The following PTPRM variants were observed in gnomAD, a reference collection of about 807,000 sequenced individuals.
PTPRM encodes protein tyrosine phosphatase receptor type M.
PTPRM carries 47 observed loss-of-function variants against 186.7 expected under a neutral mutation model. That is an observed-to-expected ratio of 0.25 (90% CI 0.20 to 0.32). The LOEUF (loss-of-function observed/expected upper bound fraction) is 0.32, where lower values mean the gene tolerates loss of function less well. Ranked by LOEUF, PTPRM falls within the 10% of genes least tolerant of loss-of-function variation. The pLI, the probability that PTPRM is intolerant of heterozygous loss-of-function variation, is 1.00. For synonymous variants in PTPRM, 668 were observed against 674.9 expected (o/e 0.99, Z 0.16); for missense variants, 1,494 against 1,865.0 (o/e 0.80, Z 3.66).
In PTPRM at chr18:7,988,368, T is replaced by C. The variant is rs185990485; in HGVS notation, c.1132+32954T>C. On this transcript the variant is annotated intron_variant, in intron 7 of 32. Coordinates refer to ENST00000580170, the MANE Select transcript of PTPRM (RefSeq NM_001105244.2). ...CCTTTCTAATTTTGATTAAAATAAATGAAAAGGGCTTTAAAATTTTTTATT... is the reference window on the plus strand; with the variant it reads ...CCTTTCTAATTTTGATTAAAATAAACGAAAAGGGCTTTAAAATTTTTTATT... Among the ~76,000 whole-genome samples the C allele has an allele frequency of 2.9e-3, 448 of 152,308 alleles. 2 individuals carry two copies. The highest frequency in any genetic ancestry group is 0.011 in the African/African-American group (437 of 41,580).
rs2095786673 is a variant in PTPRM, at chr18:8,387,753, TGTGCGTGTGTGTGCGC to T, written c.4208+520_4208+535del. Among the ~76,000 whole-genome samples, 3 of 80,666 alleles carry T rather than the reference TGTGCGTGTGTGTGCGC, an allele frequency of 3.7e-5. No homozygotes were observed. In the Admixed American group the frequency reaches 4.9e-4, roughly 13 times the overall value. 52.9% of individuals were successfully genotyped at this position (80,666 alleles called of 152,430 possible). Reference sequence around the variant, plus strand: ...GACCTGGAGTGTGTGTGTGTGCGTGTGTGCGTGTGTGTGCGCGCGCGTGCATGCTTTTTGGGAGAAT... The same window carrying T: ...GACCTGGAGTGTGTGTGTGTGCGTGTGCGCGTGCATGCTTTTTGGGAGAAT... On this transcript the variant is annotated intron_variant, in intron 31 of 32. Coordinates refer to ENST00000580170, the MANE Select transcript of PTPRM (RefSeq NM_001105244.2).
intron 20 of PTPRM, among the ~76,000 whole-genome samples, chr18:8,312,447 T>C (rs2095276570): frequency 6.6e-6 from 1 of 152,170 alleles, no homozygotes; most frequent in South Asian, 2.1e-4. Context: ...TGCTGTTATC[T>C]GCTTGGACAT....
chr18:7,884,953 G>GAAAAAAAAAAAAAAA (rs2048708561), intron 2 of PTPRM, among the ~76,000 whole-genome samples: 20 of 110,510 alleles, frequency 1.8e-4, no homozygotes, highest in South Asian at 1.7e-3. Flanking sequence ...AAAAAAAAAG[G>GAAAAAAAAAAAAAAA]AGAGAGAGAA....
chr18:8,353,810 G>A (rs9962195), intron 23 of PTPRM, among the ~76,000 whole-genome samples: 1,940 of 152,248 alleles, frequency 0.013, 20 homozygotes, highest in African/African-American at 0.027. Context: ...AAATATTAGC[G>A]TCCCCCTTTA....
intron 1 of PTPRM, among the ~76,000 whole-genome samples, chr18:7,704,878 T>C (rs903121653): frequency 1.3e-5 from 2 of 152,126 alleles, no homozygotes; most frequent in Non-Finnish European, 2.9e-5. Flanking sequence ...ATAGAACAAC[T>C]TCACACTTAG....
chr18:8,227,703 TTC>T (rs2094231748), intron 14 of PTPRM, among the ~76,000 whole-genome samples: 2 of 152,238 alleles, frequency 1.3e-5, no homozygotes, highest in African/African-American at 4.8e-5. Context: ...TTAAAAATTC[TTC>T]TCTTTCTCAC....
At position 7,984,572 on chromosome 18, in the gene PTPRM, CATATATATAT is replaced by C. The variant is rs71354583; in HGVS notation, c.1132+29180_1132+29189del. ...ATATATGCCCCATATATATATGCCC[CATATATATAT>C]ATATATATATATATATATATACACA... On this transcript the variant is annotated intron_variant, in intron 7 of 32. Transcript: ENST00000580170. Among the ~76,000 whole-genome samples, 189 of 88,664 alleles carry C rather than the reference CATATATATAT, an allele frequency of 2.1e-3. 1 individual carries two copies. The highest frequency in any genetic ancestry group is 9.2e-3 in the African/African-American group (176 of 19,160). The allele number at this position is 88,664 out of a possible 152,430, so 58.2% of individuals were successfully genotyped here.
intron 1 of PTPRM, among the ~76,000 whole-genome samples, chr18:7,772,210 A>C (rs999020521): frequency 6.6e-5 from 10 of 151,376 alleles, no homozygotes. Flanking sequence ...GCTCTTTTCA[A>C]ATAATCAGCT....
intron 7 of PTPRM, among the ~76,000 whole-genome samples, chr18:7,991,389 A>G (rs1432048118): frequency 6.6e-6 from 1 of 152,160 alleles, no homozygotes; most frequent in Non-Finnish European, 1.5e-5. Context: ...TATAAAGAAA[A>G]GAAAGGAGAG....
At chr18:8,384,230 G>A (rs532740638) in intron 29 of PTPRM, among the ~76,000 whole-genome samples, 7 of 152,314 alleles carry the variant, frequency 4.6e-5, no homozygotes, top group African/African-American at 1.4e-4. Context: ...GGCTGAGGCA[G>A]GAGGATCACT....
chr18:7,664,290 G>C (rs923132114), intron 1 of PTPRM, among the ~76,000 whole-genome samples: 3 of 152,340 alleles, frequency 2.0e-5, no homozygotes, highest in Admixed American at 6.5e-5. Flanking sequence ...AACCTGTCCT[G>C]GGGATGTGGG....
chr18:7,895,909 G>A (rs2049330780), intron 3 of PTPRM, among the ~76,000 whole-genome samples: 1 of 152,174 alleles, frequency 6.6e-6, no homozygotes, highest in African/African-American at 2.4e-5. Flanking sequence ...TCTTAGCAGA[G>A]TAAAGTGTTC....
At chr18:8,156,899 T>C (rs1210676849) in intron 14 of PTPRM, among the ~76,000 whole-genome samples, 1 of 152,228 alleles carries the variant, frequency 6.6e-6, no homozygotes, top group Non-Finnish European at 1.5e-5. Flanking sequence ...CTGTATTTTG[T>C]GTCATTTGTT....
chr18:8,191,405 G>A (rs998784628), intron 14 of PTPRM, among the ~76,000 whole-genome samples: 7 of 152,090 alleles, frequency 4.6e-5, no homozygotes, highest in Non-Finnish European at 7.4e-5. Context: ...TTCCAGAGAC[G>A]GTGACACGCA....
At chr18:7,603,509 C>T (rs180730578) in intron 1 of PTPRM, among the ~76,000 whole-genome samples, 17 of 152,308 alleles carry the variant, frequency 1.1e-4, no homozygotes, top group Non-Finnish European at 1.8e-4. Flanking sequence ...CTGCAGGATC[C>T]ATGTGAGGCC....
intron 30 of PTPRM, among the ~76,000 whole-genome samples, chr18:8,385,774 A>G (rs2095768085): frequency 6.6e-6 from 1 of 152,214 alleles, no homozygotes; most frequent in African/African-American, 2.4e-5. Flanking sequence ...CCAATGGTGT[A>G]ATTTACATTT....
At chr18:7,721,967 G>T (rs2040454144) in intron 1 of PTPRM, among the ~76,000 whole-genome samples, 1 of 152,254 alleles carries the variant, frequency 6.6e-6, no homozygotes, top group African/African-American at 2.4e-5. Flanking sequence ...TAGTGTATTT[G>T]TTGTAATTGC....
At chr18:7,691,376 C>T (rs1471589719) in intron 1 of PTPRM, among the ~76,000 whole-genome samples, 1 of 152,084 alleles carries the variant, frequency 6.6e-6, no homozygotes, top group Non-Finnish European at 1.5e-5. Context: ...GAGGAGACAC[C>T]ATGTCTTAAT....
At chr18:8,398,544 T>A (rs1227312919) in intron 32 of PTPRM, among the ~76,000 whole-genome samples, 1 of 152,100 alleles carries the variant, frequency 6.6e-6, no homozygotes, top group Non-Finnish European at 1.5e-5. Context: ...GGTGGGCAGA[T>A]CACCTGAGGT....
Sources: gnomAD v4.1 joint callset for allele counts (sites outside exome capture counted in the v4.1 genomes callset) on GRCh38, gnomAD v4.1.1 for gene constraint, MANE v1.5 for transcripts, NCBI Gene and HGNC (gene_info 2026-07-23, HGNC 2026-07-21) for gene names.